NCOA1: variants seen among roughly 807,000 people sequenced by gnomAD.
The protein encoded by NCOA1 is Hin-2 protein.
A neutral mutation model predicts 150.9 loss-of-function variants in NCOA1; 35 were observed. The ratio of observed to expected loss-of-function variants is 0.23; its 90% CI spans 0.18 to 0.31. The LOEUF (loss-of-function observed/expected upper bound fraction) is 0.31, where lower values mean the gene tolerates loss of function less well. Among genes scored for constraint, NCOA1 ranks in the 10% least tolerant of loss-of-function variants. The pLI is 1.00. For synonymous variants in NCOA1, 590 were observed against 630.0 expected, an observed-to-expected ratio of 0.94 and a Z score of 0.95; for missense variants, 1,491 against 1,749.3, an observed-to-expected ratio of 0.85 and a Z score of 2.63.
chr2:24,503,184 A>G (rs1663538766), intron 1 of NCOA1, among the ~76,000 whole-genome samples: 1 of 152,166 alleles, frequency 6.6e-6, no homozygotes, highest in African/African-American at 2.4e-5. Context: ...GATTTTCTTG[A>G]CTAGTTTCAG....
At chr2:24,721,483 CT>C (rs1291605046) in intron 14 of NCOA1, among the ~76,000 whole-genome samples, 1 of 152,228 alleles carries the variant, frequency 6.6e-6, no homozygotes, top group Non-Finnish European at 1.5e-5. Flanking sequence ...CCCTTTTCCC[CT>C]GGCAGTGAAT....
chr2:24,737,525 G>A, intron 17 of NCOA1, among the ~76,000 whole-genome samples: 1 of 152,144 alleles, frequency 6.6e-6, no homozygotes, highest in Non-Finnish European at 1.5e-5. Context: ...AAAGCTATAT[G>A]TTTGGAATGT....
chr2:24,726,834 T>TAAA (rs5829933), intron 15 of NCOA1, 128 bp downstream of exon 15: 101 of 204,384 alleles, frequency 4.9e-4, no homozygotes, highest in South Asian at 1.9e-3. Flanking sequence ...AAATACTTAC[T>TAAA]AAAAAAAAAA....
intron 20 of NCOA1, among the ~76,000 whole-genome samples, chr2:24,756,619 A>T (rs1207174483): frequency 6.6e-6 from 1 of 152,220 alleles, no homozygotes; most frequent in Non-Finnish European, 1.5e-5. Flanking sequence ...TATAGAATTA[A>T]TATTAAAATA....
intron 19 of NCOA1, among the ~76,000 whole-genome samples, chr2:24,751,090 C>T (rs1381069286): frequency 6.6e-6 from 1 of 150,384 alleles, no homozygotes; most frequent in Non-Finnish European, 1.5e-5. Flanking sequence ...CAGGTTCAAG[C>T]CATTTTCGTG....
intron 2 of NCOA1, among the ~76,000 whole-genome samples, chr2:24,574,811 GT>G (rs1409591307): frequency 6.6e-6 from 1 of 152,010 alleles, no homozygotes. Flanking sequence ...TTGCGCCATT[GT>G]TTTCTTATTT....
chr2:24,656,600 C>T (rs1670962259), intron 4 of NCOA1, among the ~76,000 whole-genome samples: 1 of 152,200 alleles, frequency 6.6e-6, no homozygotes, highest in Non-Finnish European at 1.5e-5. Flanking sequence ...ATCTGTTAAA[C>T]AACCTCTGGC....
chr2:24,674,102 T>C (rs1188354161), intron 7 of NCOA1, among the ~76,000 whole-genome samples: 2 of 149,546 alleles, frequency 1.3e-5, no homozygotes, highest in South Asian at 2.1e-4. Context: ...CCTACATGAA[T>C]GTTTAAAGAC....
chr2:24,628,989 GC>G (rs1669554909), intron 3 of NCOA1, among the ~76,000 whole-genome samples: 1 of 152,100 alleles, frequency 6.6e-6, no homozygotes. Context: ...ATAAGGTGGG[GC>G]TTGGTGATTG....
Position 24,768,928 on chromosome 2 carries a change from G to C in NCOA1, c.*537G>C, listed in dbSNP as rs1665202974. The C allele has an allele frequency of 4.6e-6, 1 of 217,606 alleles. No individual in the cohort carries two copies. Among genetic ancestry groups the C allele is most frequent in the Non-Finnish European group, 9.3e-6 (1 of 107,992 alleles). The allele number at this position is 217,606 out of a possible 1,614,324, so 13.5% of individuals were successfully genotyped here. A position where few individuals can be genotyped will look rare whatever the true frequency, so the allele number is the denominator to read the frequency against. On this transcript the variant is annotated 3_prime_UTR_variant, in exon 23 of 23. Transcript: ENST00000348332. ...CTTCTCTAGCAACTCTGTATCTGTT[G>C]GCTTCAAGAGAATATTTTGCCTCCA...
At chr2:24,543,029 G>A (rs1321086682) in intron 1 of NCOA1, among the ~76,000 whole-genome samples, 2 of 152,186 alleles carry the variant, frequency 1.3e-5, no homozygotes, top group South Asian at 2.1e-4. Context: ...AAACAGGGTT[G>A]TCTTATTCTG....
At chr2:24,702,925 A>C (rs1042101328) in intron 11 of NCOA1, among the ~76,000 whole-genome samples, 1 of 152,220 alleles carries the variant, frequency 6.6e-6, no homozygotes, top group Non-Finnish European at 1.5e-5. Flanking sequence ...TCTTAATTCA[A>C]AGTATTAGTG....
intron 17 of NCOA1, 139 bp downstream of exon 17, chr2:24,729,954 T>G: frequency 1.2e-6 from 1 of 844,030 alleles, no homozygotes; most frequent in Non-Finnish European, 1.8e-6. Flanking sequence ...CAAGCAATTC[T>G]CCTGCCTCAG....
intron 4 of NCOA1, among the ~76,000 whole-genome samples, chr2:24,649,072 AT>A (rs1209251666): frequency 1.3e-5 from 2 of 151,746 alleles, no homozygotes; most frequent in African/African-American, 4.8e-5. Flanking sequence ...GACATTTAAA[AT>A]TTTTTTTAAT....
intron 1 of NCOA1, among the ~76,000 whole-genome samples, chr2:24,547,886 G>C (rs1277032380): frequency 6.7e-6 from 1 of 149,136 alleles, no homozygotes; most frequent in Non-Finnish European, 1.5e-5. Context: ...CTACTCGGGA[G>C]ACTGAGGCAG....
chr2:24,571,081 A>G (rs117109567), intron 2 of NCOA1, among the ~76,000 whole-genome samples: 2 of 152,304 alleles, frequency 1.3e-5, no homozygotes, highest in East Asian at 3.9e-4. Context: ...ACATAATGAA[A>G]TATTGATGTA....
chr2:24,577,193 C>T (rs1348176514), intron 2 of NCOA1, among the ~76,000 whole-genome samples: 2 of 151,820 alleles, frequency 1.3e-5, no homozygotes, highest in Non-Finnish European at 2.9e-5. Flanking sequence ...GTTTTGTTAT[C>T]TGTTTTTCTA....
At chr2:24,523,881 G>A (rs929055491) in intron 1 of NCOA1, among the ~76,000 whole-genome samples, 4 of 128,158 alleles carry the variant, frequency 3.1e-5, no homozygotes, top group Non-Finnish European at 4.7e-5. Flanking sequence ...AGCCGAGATC[G>A]TGCCACGGCA....
intron 17 of NCOA1, among the ~76,000 whole-genome samples, chr2:24,734,190 A>AG (rs1051544835): frequency 2.0e-5 from 3 of 151,906 alleles, no homozygotes; most frequent in African/African-American, 7.3e-5. Flanking sequence ...AAAAAAAAAA[A>AG]AAGAAGAAAA....
Sources: allele counts gnomAD v4.1 joint callset (sites outside exome capture counted in the v4.1 genomes callset), GRCh38; gene constraint gnomAD v4.1.1; transcripts MANE v1.5; gene names NCBI Gene and HGNC (gene_info 2026-07-23, HGNC 2026-07-21).